Variants in BRI3 observed in about 807,000 individuals in gnomAD.
The protein encoded by BRI3 is membrane protein BRI3.
BRI3 carries 6 observed loss-of-function variants against 12.8 expected under a neutral mutation model. The ratio of observed to expected loss-of-function variants is 0.47; its 90% CI spans 0.26 to 0.93. The LOEUF (loss-of-function observed/expected upper bound fraction) is 0.93, where lower values mean the gene tolerates loss of function less well. Ranked by LOEUF, BRI3 falls within the 40% of genes least tolerant of loss-of-function variation. The pLI is 0.15. For synonymous variants in BRI3, 91 were observed against 76.1 expected (o/e 1.20, Z -1.02); for missense variants, 134 against 171.1 (o/e 0.78, Z 1.21).
At chr7:98,293,286 A>C, downstream of BRI3, 1 of 446,766 alleles carries the variant, frequency 2.2e-6, no homozygotes. Flanking sequence ...CAGAATAGGA[A>C]GAAAATATTT....
At chr7:98,321,849 C>G in the BRI3 span, among the ~76,000 whole-genome samples, 510 of 152,322 alleles carry the variant, frequency 3.3e-3, no homozygotes, top group African/African-American at 0.012. Flanking sequence ...GTCATCCTAG[C>G]ACTTTTGGGA....
At chr7:98,301,254 CCT>C (rs1271178204) in intron 1 of BRI3, among the ~76,000 whole-genome samples, 2 of 152,176 alleles carry the variant, frequency 1.3e-5, no homozygotes, top group African/African-American at 2.4e-5. Context: ...CACCTCCACC[CCT>C]GTGCTGGATG....
downstream of BRI3, among the ~76,000 whole-genome samples, chr7:98,312,749 G>A (rs1800918108): frequency 3.5e-5 from 2 of 56,426 alleles, no homozygotes; most frequent in Admixed American, 3.7e-4. Context: ...TGTCTATGGG[G>A]AAGAGGGACT....
upstream of BRI3, chr7:98,304,351 T>G: frequency 6.2e-7 from 1 of 1,613,616 alleles, no homozygotes; most frequent in Non-Finnish European, 8.5e-7. Context: ...AAGTTCACGG[T>G]GCTGATGCTT....
At chr7:98,298,327 T>G (rs888585215) in intron 1 of BRI3, among the ~76,000 whole-genome samples, 1 of 151,944 alleles carries the variant, frequency 6.6e-6, no homozygotes, top group African/African-American at 2.4e-5. Flanking sequence ...TAAAAAACAT[T>G]AGGGGCTGGG....
At chr7:98,316,399 T>C in the BRI3 span, among the ~76,000 whole-genome samples, 2 of 152,194 alleles carry the variant, frequency 1.3e-5, no homozygotes, top group Non-Finnish European at 2.9e-5. Context: ...ACACTGATCA[T>C]GGAGAGTCCC....
intron 1 of BRI3, among the ~76,000 whole-genome samples, chr7:98,297,968 C>T (rs1432424425): frequency 1.3e-5 from 2 of 152,236 alleles, no homozygotes; most frequent in Non-Finnish European, 2.9e-5. Context: ...CAGTGGCTCA[C>T]GCCTGTAATC....
downstream of BRI3, among the ~76,000 whole-genome samples, chr7:98,314,146 T>C (rs938713442): frequency 6.6e-6 from 1 of 151,682 alleles, no homozygotes; most frequent in African/African-American, 2.4e-5. Context: ...CCACATGTGA[T>C]TAATTTTTGT....
intron 2 of BRI3, 64 bp from the exon 3 acceptor site, chr7:98,291,046 AG>A (rs1391517166): frequency 6.3e-7 from 1 of 1,586,668 alleles, no homozygotes; most frequent in Non-Finnish European, 8.6e-7. Flanking sequence ...CAAGGGTGGC[AG>A]GGGTGAGGGT....
exon 2 of BRI3, chr7:98,308,680 G>GTA (rs904679267): frequency 8.9e-6 from 2 of 224,152 alleles, no homozygotes; most frequent in African/African-American, 4.5e-5. Context: ...ATATATATAT[G>GTA]TATGTATATA....
downstream of BRI3, among the ~76,000 whole-genome samples, chr7:98,297,250 A>G (rs540209095): frequency 2.0e-5 from 3 of 152,344 alleles, no homozygotes; most frequent in African/African-American, 7.2e-5. Context: ...CTGACCACCC[A>G]TCACTCGATG....
chr7:98,285,386 A>G (rs1397919787), intron 2 of BRI3, among the ~76,000 whole-genome samples: 1 of 152,104 alleles, frequency 6.6e-6, no homozygotes, highest in Non-Finnish European at 1.5e-5. Flanking sequence ...GCTCCCTCCT[A>G]CCACCTGTGA....
At position 98,287,065 on chromosome 7, in the gene BRI3, C is replaced by T. The variant is rs563403002; in HGVS notation, c.246-4046C>T. 7.2e-5 allele frequency among the ~76,000 whole-genome samples: 11 copies of T among 152,360 alleles called. 1 individual carries two copies. The South Asian group carries it at 2.3e-3, about 32-fold the overall frequency. On this transcript the variant is annotated intron_variant, in intron 2 of 2. Transcript: ENST00000297290. ...TCGAAGCCCGTTCAGAGCTCTCAGG[C>T]CCAAGTGCTCGTTCTCCCGGGCCGG...
At chr7:98,301,644 G>C (rs905727084), upstream of BRI3, among the ~76,000 whole-genome samples, 1 of 152,094 alleles carries the variant, frequency 6.6e-6, no homozygotes, top group African/African-American at 2.4e-5. Context: ...AGACAGAAAG[G>C]GGGAACCTGA....
At chr7:98,308,411 C>T (rs1800746463) in exon 2 of BRI3, 1 of 395,372 alleles carries the variant, frequency 2.5e-6, no homozygotes, top group Non-Finnish European at 5.1e-6. Context: ...GGATGAGTTC[C>T]ATTTACAGAG....
In BRI3 at chr7:98,281,929, T is replaced by A; in HGVS notation, c.134T>A (p.Leu45His). 7.7e-7 allele frequency: 1 copy of A among 1,304,948 alleles called. No homozygotes were observed. The highest frequency in any genetic ancestry group is 9.7e-7 in the Non-Finnish European group (1 of 1,028,178). 80.8% of individuals were successfully genotyped at this position (1,304,948 alleles called of 1,614,324 possible). A position where few individuals can be genotyped will look rare whatever the true frequency, so the allele number is the denominator to read the frequency against. ...CCCCCGCCGCCGCCCTACCCCTACC[T>A]CGTCACAGGTGGGCCCGTAACCAAC... The part of the protein sequence containing the change: ...AAPPPPPYPY[L>H]VTGIPTHHPR... Residue 45 changes from leucine (L) to histidine (H), a missense_variant, in exon 1 of 3, where the codon CTC (leucine) becomes CAC (histidine). Transcript: ENST00000297290.
downstream of BRI3, among the ~76,000 whole-genome samples, chr7:98,294,660 G>A (rs73147339): frequency 1.0e-3 from 159 of 152,302 alleles, no homozygotes; most frequent in Non-Finnish European, 1.7e-3. Context: ...CCTCAGCCAC[G>A]GTCTTTTGAA....
intron 2 of BRI3, among the ~76,000 whole-genome samples, chr7:98,286,797 A>G (rs1419605862): frequency 1.3e-5 from 2 of 152,270 alleles, no homozygotes; most frequent in South Asian, 4.1e-4. Flanking sequence ...GCAGCAAGAC[A>G]TGAATATTCA....
intron 1 of BRI3, among the ~76,000 whole-genome samples, chr7:98,299,027 T>A (rs1048181379): frequency 2.0e-5 from 3 of 152,008 alleles, no homozygotes; most frequent in African/African-American, 7.3e-5. Context: ...TTTTGGTGTT[T>A]TTTTTGAGAT....
Sources: gnomAD v4.1 joint callset for allele counts (sites outside exome capture counted in the v4.1 genomes callset) on GRCh38, gnomAD v4.1.1 for gene constraint, MANE v1.5 for transcripts, NCBI Gene and HGNC (gene_info 2026-07-23, HGNC 2026-07-21) for gene names.